PCSK6: variants seen among roughly 807,000 people sequenced by gnomAD.
PCSK6 encodes the protein proprotein convertase subtilisin/kexin type 6.
Under a neutral mutation model 123.3 loss-of-function variants are expected in PCSK6, and 85 were observed. That is an observed-to-expected ratio of 0.69 (90% CI 0.58 to 0.83). The LOEUF (loss-of-function observed/expected upper bound fraction) is 0.83. Among genes scored for constraint, PCSK6 ranks in the 40% least tolerant of loss-of-function variants. The pLI is 0.00. For synonymous variants in PCSK6, 508 were observed against 516.0 expected (o/e 0.98, Z 0.21); for missense variants, 1,191 against 1,282.3 (o/e 0.93, Z 1.09).
At chr15:101,488,480 G>GACAGC in intron 1 of PCSK6, among the ~76,000 whole-genome samples, 1 of 152,330 alleles carries the variant, frequency 6.6e-6, no homozygotes, top group East Asian at 1.9e-4. Context: ...CAGAAGAGGG[G>GACAGC]ACAGCCGAGG....
At chr15:101,392,524 T>C (rs1305552024) in intron 8 of PCSK6, among the ~76,000 whole-genome samples, 1 of 151,438 alleles carries the variant, frequency 6.6e-6, no homozygotes, top group Non-Finnish European at 1.5e-5. Flanking sequence ...TTTTAAAATG[T>C]CTACAAGTCA....
At chr15:101,435,726 C>G (rs4965866) in intron 2 of PCSK6, among the ~76,000 whole-genome samples, 4 of 152,036 alleles carry the variant, frequency 2.6e-5, no homozygotes, top group Admixed American at 1.3e-4. Flanking sequence ...GCTTCCTTCT[C>G]GAGAAGCCAA....
At chr15:101,306,997 T>C (rs2039737021) in intron 21 of PCSK6, among the ~76,000 whole-genome samples, 1 of 152,196 alleles carries the variant, frequency 6.6e-6, no homozygotes, top group Non-Finnish European at 1.5e-5. Context: ...GGGATGCCTC[T>C]CTGATCGATG....
intron 6 of PCSK6, among the ~76,000 whole-genome samples, chr15:101,414,893 A>G (rs1412071116): frequency 1.3e-5 from 2 of 152,214 alleles, no homozygotes; most frequent in Non-Finnish European, 1.5e-5. Flanking sequence ...TAAAATATAA[A>G]TCCAGATACA....
At position 101,450,421 on chromosome 15, in the gene PCSK6, G is replaced by A. The variant is rs529911935; in HGVS notation, c.298-6761C>T. On this transcript the variant is annotated intron_variant, in intron 1 of 21. Transcript: ENST00000611716. ...TACTCTGCTTTTAACCATCCCCTCG[G>A]CTGTCACTGACTCCAGGAAGCCCTC... 3.9e-5 allele frequency among the ~76,000 whole-genome samples: 6 copies of A among 152,116 alleles called. No homozygotes were observed. In the South Asian group the frequency reaches 6.2e-4, roughly 16 times the overall value.
chr15:101,488,802 C>T (rs2058083217), intron 1 of PCSK6, among the ~76,000 whole-genome samples: 1 of 151,622 alleles, frequency 6.6e-6, no homozygotes, highest in South Asian at 2.1e-4. Context: ...TCCCGGCCAT[C>T]TACCCCCGGG....
chr15:101,464,850 A>C (rs979027490), intron 1 of PCSK6, among the ~76,000 whole-genome samples: 3 of 152,136 alleles, frequency 2.0e-5, no homozygotes, highest in African/African-American at 7.2e-5. Flanking sequence ...GTGACAAGGG[A>C]TGCTCCCACA....
chr15:101,463,615 C>T (rs12908079), intron 1 of PCSK6, among the ~76,000 whole-genome samples: 2 of 151,738 alleles, frequency 1.3e-5, no homozygotes, highest in Non-Finnish European at 2.9e-5. Flanking sequence ...ATCTGGGATT[C>T]GGTTGTTCAT....
Position 101,393,220 on chromosome 15 carries a change from G to C in PCSK6, c.1201C>G (p.Arg401Gly). 6.2e-7 allele frequency: 1 copy of C among 1,612,468 alleles called. No individual in the cohort carries two copies. The highest frequency in any genetic ancestry group is 8.5e-7 in the Non-Finnish European group (1 of 1,179,244). ...TTGCCAAGAGAACTTACGATTTTTC[G>C]CTCATAAAAGGCCCCACTGCTGTAG... ...TTYSSGAFYERKIVTTDLRQR... is the reference protein window; with the variant it reads ...TTYSSGAFYEGKIVTTDLRQR... Residue 401 changes from arginine (R) to glycine (G), a missense_variant, in exon 8 of 22, where the codon CGA (arginine) becomes GGA (glycine). By Grantham distance (125) the Arg-to-Gly change is moderately radical (BLOSUM62 -2). Coordinates refer to ENST00000611716, the MANE Select transcript of PCSK6 (RefSeq NM_002570.5).
intron 13 of PCSK6, among the ~76,000 whole-genome samples, chr15:101,352,795 G>A (rs1049592475): frequency 6.6e-6 from 1 of 152,192 alleles, no homozygotes. Flanking sequence ...CGATGTTGAT[G>A]AGGACTGTGT....
Position 101,307,265 on chromosome 15 carries a change from C to T in PCSK6, c.2760G>A (p.Thr920=), listed in dbSNP as rs765759390. Residue 920 remains threonine (T), a synonymous_variant, in exon 21 of 22, where the codon ACG becomes ACA. Transcript: ENST00000611716. ...AGGAGGTCCCCAGCTGTGTGAAGCC[C>T]GTCTTACACCTGCTACAGTTCCTGC... ...GSSRNCSRCK[T]GFTQLGTSCI... 11 of 1,613,686 alleles carry T rather than the reference C, an allele frequency of 6.8e-6. No homozygotes were observed. The highest frequency in any genetic ancestry group is 2.7e-5 in the African/African-American group (2 of 74,896).
intron 13 of PCSK6, among the ~76,000 whole-genome samples, chr15:101,362,261 C>T (rs900905875): frequency 2.6e-5 from 4 of 152,146 alleles, no homozygotes; most frequent in Non-Finnish European, 4.4e-5. Context: ...CAGCCCAAAG[C>T]TATTTACATT....
intron 11 of PCSK6, among the ~76,000 whole-genome samples, chr15:101,371,143 G>A (rs904150375): frequency 6.6e-6 from 1 of 152,162 alleles, no homozygotes; most frequent in Non-Finnish European, 1.5e-5. Context: ...GGAGGTGGAG[G>A]TTGCAGCGAG....
intron 21 of PCSK6, among the ~76,000 whole-genome samples, chr15:101,306,926 G>A (rs536020463): frequency 5.9e-5 from 9 of 152,318 alleles, no homozygotes; most frequent in African/African-American, 2.2e-4. Context: ...CATGGCAGTG[G>A]GACCAGTACA....
At chr15:101,459,617 C>A (rs569378395) in intron 1 of PCSK6, among the ~76,000 whole-genome samples, 3 of 144,472 alleles carry the variant, frequency 2.1e-5, no homozygotes, top group Non-Finnish European at 3.1e-5. Context: ...CATTGTGCCA[C>A]GCCTCCCAGG....
At chr15:101,469,840 G>A (rs1023269893) in intron 1 of PCSK6, among the ~76,000 whole-genome samples, 1 of 152,186 alleles carries the variant, frequency 6.6e-6, no homozygotes, top group African/African-American at 2.4e-5. Context: ...TCTTCTCCGT[G>A]ACACTTTTTA....
intron 13 of PCSK6, among the ~76,000 whole-genome samples, chr15:101,344,310 T>C (rs888786693): frequency 1.3e-5 from 2 of 152,226 alleles, no homozygotes; most frequent in African/African-American, 2.4e-5. Context: ...ATATGTATTT[T>C]AAGGCTGTGT....
intron 16 of PCSK6, 64 bp from the exon 17 acceptor site, chr15:101,325,110 C>T: frequency 8.1e-7 from 1 of 1,239,984 alleles, no homozygotes; most frequent in South Asian, 1.4e-5. Context: ...AGGCCTGCCC[C>T]TTTGTTTCCT....
Position 101,332,066 on chromosome 15 carries a change from G to C in PCSK6, c.1859-35C>G, listed in dbSNP as rs1335044288. The C allele has an allele frequency of 8.4e-6, 13 of 1,548,878 alleles. No individual in the cohort carries two copies. The East Asian group carries it at 3.0e-4, about 35-fold the overall frequency. On this transcript the variant is annotated intron_variant, in intron 13 of 21. Transcript: ENST00000611716. ...ACCAAACCCACAGAGTTACCTGCCTGTGCCAAGACCTCTGTCACTCACAGA... is the reference window on the plus strand; with the variant it reads ...ACCAAACCCACAGAGTTACCTGCCTCTGCCAAGACCTCTGTCACTCACAGA...
Sources: gnomAD v4.1 joint callset for allele counts (sites outside exome capture counted in the v4.1 genomes callset) on GRCh38, gnomAD v4.1.1 for gene constraint, MANE v1.5 for transcripts, NCBI Gene and HGNC (gene_info 2026-07-23, HGNC 2026-07-21) for gene names.